Variants in BLTP2 observed in about 807,000 individuals in gnomAD.
BLTP2 encodes the protein bridge-like lipid transfer protein family member 2.
chr17:28,638,616 A>T, the BLTP2 span: 1 of 1,612,606 alleles, frequency 6.2e-7, no homozygotes, highest in Non-Finnish European at 8.5e-7. Context: ...GCTAAAGATG[A>T]TGGGAGCCAG....
At chr17:28,621,036 C>T in the BLTP2 span, 2 of 1,614,180 alleles carry the variant, frequency 1.2e-6, no homozygotes, top group South Asian at 2.2e-5. Context: ...TCAAGAACTT[C>T]AGGTGGCTTA....
At chr17:28,639,952 A>C in the BLTP2 span, 3 of 1,614,098 alleles carry the variant, frequency 1.9e-6, no homozygotes, top group South Asian at 3.3e-5. Context: ...TTTGCTGTGA[A>C]GCTTCGAAGG....
chr17:28,639,807 CTGAGA>C, the BLTP2 span: 1 of 1,520,524 alleles, frequency 6.6e-7, no homozygotes, highest in East Asian at 2.3e-5. Flanking sequence ...CCCAGTTACA[CTGAGA>C]TTAGATTAAG....
At chr17:28,635,740 T>TG in the BLTP2 span, 6 of 870,012 alleles carry the variant, frequency 6.9e-6, no homozygotes, top group Non-Finnish European at 1.0e-5. Context: ...AGTAATCACA[T>TG]TAATTACTGC....
the BLTP2 span, chr17:28,637,852 G>A: frequency 6.2e-7 from 1 of 1,613,886 alleles, no homozygotes; most frequent in Non-Finnish European, 8.5e-7. Flanking sequence ...AGGCAGAAAG[G>A]GTAAACAAGT....
chr17:28,638,571 A>T, the BLTP2 span: 1 of 1,613,916 alleles, frequency 6.2e-7, no homozygotes, highest in Admixed American at 1.7e-5. Context: ...TGTATCTCCA[A>T]GTTGAATGGA....
the BLTP2 span, chr17:28,645,039 G>A: frequency 1.3e-5 from 21 of 1,601,646 alleles, no homozygotes; most frequent in Non-Finnish European, 1.5e-5. Flanking sequence ...CCAACAGCGC[G>A]GAGAAGAACA....
At chr17:28,622,309 A>G in the BLTP2 span, among the ~76,000 whole-genome samples, 1 of 152,084 alleles carries the variant, frequency 6.6e-6, no homozygotes, top group Non-Finnish European at 1.5e-5. Flanking sequence ...ATTACCAACA[A>G]CCGGTCCCTT....
the BLTP2 span, chr17:28,644,086 A>T: frequency 6.2e-7 from 1 of 1,614,152 alleles, no homozygotes; most frequent in Non-Finnish European, 8.5e-7. Flanking sequence ...CTGAAACTTA[A>T]GACTGACATT....
the BLTP2 span, chr17:28,644,039 A>G: frequency 6.2e-7 from 1 of 1,613,454 alleles, no homozygotes; most frequent in Non-Finnish European, 8.5e-7. Flanking sequence ...ACACATATCC[A>G]GAGTTTCCCA....
At chr17:28,642,731 A>G in the BLTP2 span, 1 of 658,330 alleles carries the variant, frequency 1.5e-6, no homozygotes, top group South Asian at 1.9e-5. Context: ...GCTAGAAGGG[A>G]CAAGGCAATT....
the BLTP2 span, chr17:28,631,361 T>C: frequency 2.1e-6 from 2 of 930,426 alleles, no homozygotes; most frequent in South Asian, 1.5e-5. Context: ...CCAAAACTCA[T>C]AAATAAATTT....
chr17:28,639,583 T>C, the BLTP2 span: 13 of 1,613,940 alleles, frequency 8.1e-6, no homozygotes, highest in Admixed American at 2.2e-4. Flanking sequence ...ACCTGCACAC[T>C]AGCCTTGAGG....
At chr17:28,615,883 G>A in the BLTP2 span, 3 of 1,449,634 alleles carry the variant, frequency 2.1e-6, no homozygotes, top group Admixed American at 1.8e-5. Context: ...AGCCACTTGA[G>A]TGCCAAGTCC....
the BLTP2 span, among the ~76,000 whole-genome samples, chr17:28,622,097 G>A: frequency 5.3e-5 from 8 of 152,118 alleles, no homozygotes; most frequent in Admixed American, 5.2e-4. Flanking sequence ...CCTGAGGGGG[G>A]CGGGGGGAAA....
chr17:28,642,260 T>C, the BLTP2 span: 1 of 1,613,804 alleles, frequency 6.2e-7, no homozygotes, highest in South Asian at 1.1e-5. Flanking sequence ...ATCTGAATGA[T>C]CATGGCATAC....
the BLTP2 span, among the ~76,000 whole-genome samples, chr17:28,636,734 T>G: frequency 6.6e-6 from 1 of 152,116 alleles, no homozygotes; most frequent in South Asian, 2.1e-4. Context: ...GAAACCAGTT[T>G]CACAACATGA....
chr17:28,628,042 A>T, the BLTP2 span, among the ~76,000 whole-genome samples: 1 of 151,464 alleles, frequency 6.6e-6, no homozygotes. Context: ...TGGCTCCAAC[A>T]CTCCCCTTCT....
the BLTP2 span, chr17:28,620,004 C>A: frequency 1.2e-6 from 2 of 1,613,166 alleles, no homozygotes; most frequent in Non-Finnish European, 8.5e-7. Context: ...GTTGCTTCTT[C>A]TCACTATGTT....
Sources: gnomAD v4.1 joint callset for allele counts (sites outside exome capture counted in the v4.1 genomes callset) on GRCh38, gnomAD v4.1.1 for gene constraint, MANE v1.5 for transcripts, NCBI Gene and HGNC (gene_info 2026-07-23, HGNC 2026-07-21) for gene names.